Variants in GPRIN3 observed in about 807,000 individuals in gnomAD.
GPRIN3 encodes G protein-regulated inducer of neurite outgrowth 3.
Under a neutral mutation model 13.7 loss-of-function variants are expected in GPRIN3, and 12 were observed. The ratio of observed to expected loss-of-function variants is 0.87; its 90% CI spans 0.56 to 1.42. The LOEUF (loss-of-function observed/expected upper bound fraction) is 1.42. Ranked by LOEUF, GPRIN3 falls within the 40% of genes most tolerant of loss-of-function variation. GPRIN3 has a pLI of 0.00. For synonymous variants in GPRIN3, 377 were observed against 372.7 expected (o/e 1.01, Z -0.13); for missense variants, 1,009 against 958.7 (o/e 1.05, Z -0.69).
At chr4:89,305,942 A>T (rs553102043) in intron 1 of GPRIN3, among the ~76,000 whole-genome samples, 12 of 152,298 alleles carry the variant, frequency 7.9e-5, no homozygotes, top group African/African-American at 2.9e-4. Flanking sequence ...CTAGTTAGTG[A>T]TTAGGTGAAG....
intron 1 of GPRIN3, among the ~76,000 whole-genome samples, chr4:89,288,348 C>G (rs1367903776): frequency 6.6e-6 from 1 of 152,138 alleles, no homozygotes; most frequent in African/African-American, 2.4e-5. Context: ...TCTATGCTGT[C>G]TTGGTCACTC....
rs1722961114 is a variant in GPRIN3 at position 89,242,135 on chromosome 4, A to G, written c.*5645T>C. ...TCATCAATATCCTTTTCTAAAGTGTAAAATATGTGATTTTTATTCCTACTA... is the reference window on the plus strand; with the variant it reads ...TCATCAATATCCTTTTCTAAAGTGTGAAATATGTGATTTTTATTCCTACTA... On this transcript the variant is annotated 3_prime_UTR_variant, in exon 2 of 2. Coordinates refer to ENST00000609438, the MANE Select transcript of GPRIN3 (RefSeq NM_198281.3). The G allele has an allele frequency of 1.3e-5, 2 of 152,222 alleles. No homozygotes were observed. The highest frequency in any genetic ancestry group is 4.8e-5 in the African/African-American group (2 of 41,452). 9.4% of individuals were successfully genotyped at this position (152,222 alleles called of 1,614,324 possible).
intron 1 of GPRIN3, among the ~76,000 whole-genome samples, chr4:89,268,426 T>C (rs896162465): frequency 7.2e-5 from 11 of 152,180 alleles, no homozygotes; most frequent in Non-Finnish European, 1.3e-4. Context: ...GTTGGAGAGA[T>C]TGCAAAGATG....
chr4:89,249,583 G>A lies in GPRIN3; in HGVS notation c.528C>T (p.Gly176=), dbSNP rs182919972. 19 of 1,614,120 alleles carry A rather than the reference G, an allele frequency of 1.2e-5. No homozygotes were observed. The Admixed American group carries it at 1.8e-4, about 16-fold the overall frequency. The part of the protein sequence containing the change: ...QPEKPSCPVG[G]VLSSSKDQVS... ...CCTGATCTTTGCTGCTACTGAGGAC[G>A]CCTCCCACAGGACAACTTGGTTTCT... Residue 176 remains glycine, a synonymous_variant, in exon 2 of 2, where the codon GGC becomes GGT. Coordinates refer to ENST00000609438, the MANE Select transcript of GPRIN3 (RefSeq NM_198281.3).
rs950010387 is a variant in GPRIN3, at chr4:89,239,128, T to G, written c.*8652A>C. On this transcript the variant is annotated 3_prime_UTR_variant, in exon 2 of 2. Coordinates refer to ENST00000609438, the MANE Select transcript of GPRIN3 (RefSeq NM_198281.3). ...CTTTCTGAAATGATTTTATGGCCTT[T>G]GTAAACATTATAATGTAGACATTAT... is the stretch of plus-strand genomic sequence containing the variant. 6.6e-6 allele frequency: 1 copy of G among 152,180 alleles called. No homozygotes were observed. The highest frequency in any genetic ancestry group is 1.5e-5 in the Non-Finnish European group (1 of 68,000). 9.4% of individuals were successfully genotyped at this position (152,180 alleles called of 1,614,324 possible). A position where few individuals can be genotyped will look rare whatever the true frequency, so the allele number is the denominator to read the frequency against.
At chr4:89,266,588 C>T (rs113705484) in intron 1 of GPRIN3, among the ~76,000 whole-genome samples, 1 of 152,156 alleles carries the variant, frequency 6.6e-6, no homozygotes, top group Non-Finnish European at 1.5e-5. Context: ...GTTGCTATTG[C>T]ATTAAGGGTG....
rs561711480 is a variant in GPRIN3, at chr4:89,302,869, A to T, written c.-124+4746T>A. On this transcript the variant is annotated intron_variant, in intron 1 of 1. Coordinates refer to ENST00000609438, the MANE Select transcript of GPRIN3 (RefSeq NM_198281.3). ...AGGTCCAAGTCATTTTTATTTTTTTAAAAAAAGCAAAGTTCCATATTTGGT... is the reference window on the plus strand; with the variant it reads ...AGGTCCAAGTCATTTTTATTTTTTTTAAAAAAGCAAAGTTCCATATTTGGT... Among the ~76,000 whole-genome samples the T allele has an allele frequency of 2.6e-4, 40 of 152,194 alleles. No homozygotes were observed. The South Asian group carries it at 6.0e-3, about 23-fold the overall frequency.
chr4:89,274,410 T>C (rs1724039850), intron 1 of GPRIN3, among the ~76,000 whole-genome samples: 1 of 152,194 alleles, frequency 6.6e-6, no homozygotes, highest in African/African-American at 2.4e-5. Flanking sequence ...CAGGGTCTCT[T>C]TCCAGGGGGT....
rs1723278603 is a variant in GPRIN3 at position 89,249,980 on chromosome 4, G to T, written c.131C>A (p.Ala44Asp). The T allele has an allele frequency of 6.2e-7, 1 of 1,614,228 alleles. No homozygotes were observed. The highest frequency in any genetic ancestry group is 8.5e-7 in the Non-Finnish European group (1 of 1,180,020). The change falls in exon 2 of 2, where the codon GCC (alanine) becomes GAC (aspartate). Residue 44 changes from alanine (A) to aspartate (D), a missense_variant. Coordinates refer to ENST00000609438, the MANE Select transcript of GPRIN3 (RefSeq NM_198281.3). ...TGCAGGGGCACCTGAAAAGCCATTG[G>T]CATTCTTACACAGGAGAGCTGGTCG... ...RHRPALLCKN[A>D]NGFSGAPAEP...
At chr4:89,265,994 A>T (rs1001178321) in intron 1 of GPRIN3, among the ~76,000 whole-genome samples, 9 of 152,172 alleles carry the variant, frequency 5.9e-5, no homozygotes, top group Non-Finnish European at 1.0e-4. Flanking sequence ...AATTAACACA[A>T]AGCGCTACAT....
At chr4:89,250,755 T>G (rs921547386) in intron 1 of GPRIN3, 5 of 152,306 alleles carry the variant, frequency 3.3e-5, no homozygotes, top group South Asian at 2.1e-4. Context: ...GTTGGCAAAC[T>G]GTTCATGCAT....
At chr4:89,302,421 T>A (rs988007917) in intron 1 of GPRIN3, among the ~76,000 whole-genome samples, 1 of 152,226 alleles carries the variant, frequency 6.6e-6, no homozygotes. Flanking sequence ...ATCTGGGTAC[T>A]GGAATCCTTT....
chr4:89,244,781 C>T lies in GPRIN3; in HGVS notation c.*2999G>A, dbSNP rs1036109858. The T allele has an allele frequency of 1.2e-4, 19 of 152,160 alleles. No homozygotes were observed. The highest frequency in any genetic ancestry group is 9.8e-4 in the Admixed American group (15 of 15,280). The allele number at this position is 152,160 out of a possible 1,614,324, so 9.4% of individuals were successfully genotyped here. On this transcript the variant is annotated 3_prime_UTR_variant, in exon 2 of 2. Coordinates refer to ENST00000609438, the MANE Select transcript of GPRIN3 (RefSeq NM_198281.3). ...TGAATTGTCTTCCAGACATGGAGTT[C>T]TAACTCACCTTTTTACTACTGGTTT...
Position 89,249,052 on chromosome 4 carries a change from A to C in GPRIN3, c.1059T>G (p.Phe353Leu), listed in dbSNP as rs554076690. The part of the protein sequence containing the change: ...FLKESRAPEH[F>L]EQEQLRVICH... Reference sequence around the variant, plus strand: ...AAATGACACGCAGCTGCTCTTGTTCAAAATGCTCAGGAGCACGGCTTTCCT... The same window carrying C: ...AAATGACACGCAGCTGCTCTTGTTCCAAATGCTCAGGAGCACGGCTTTCCT... The change falls in exon 2 of 2, where the codon TTT becomes TTG. Residue 353 changes from phenylalanine (F) to leucine (L), a missense_variant. Phe to Leu is a conservative substitution (Grantham distance 22). Coordinates refer to ENST00000609438, the MANE Select transcript of GPRIN3 (RefSeq NM_198281.3). 1.6e-4 allele frequency: 262 copies of C among 1,614,210 alleles called. 2 individuals are homozygous for C. In the South Asian group the frequency reaches 2.6e-3, roughly 16 times the overall value.
intron 1 of GPRIN3, among the ~76,000 whole-genome samples, chr4:89,261,020 G>A (rs1258017434): frequency 4.0e-5 from 6 of 151,670 alleles, no homozygotes; most frequent in South Asian, 2.1e-4. Flanking sequence ...CACAACCCCC[G>A]CCCCCCAATG....
chr4:89,273,008 G>A (rs770189404), intron 1 of GPRIN3, among the ~76,000 whole-genome samples: 2 of 152,064 alleles, frequency 1.3e-5, no homozygotes, highest in Non-Finnish European at 2.9e-5. Context: ...AAGAAGGAAT[G>A]AACCACATTT....
At chr4:89,286,077 G>A (rs1199655113) in intron 1 of GPRIN3, among the ~76,000 whole-genome samples, 4 of 88,784 alleles carry the variant, frequency 4.5e-5, no homozygotes, top group Non-Finnish European at 1.0e-4. Context: ...ACATGTGTAC[G>A]TGTATGTGTG....
In GPRIN3 at chr4:89,260,713, C is replaced by T. The variant is rs1325716593; in HGVS notation, c.-123-10480G>A. ...ATTTCCTGTATAGCTATTCTATAGGCTAGAAAAAGTTGCCCCTATGTAAGT... is the reference window on the plus strand; with the variant it reads ...ATTTCCTGTATAGCTATTCTATAGGTTAGAAAAAGTTGCCCCTATGTAAGT... On this transcript the variant is annotated intron_variant, in intron 1 of 1. Coordinates refer to ENST00000609438, the MANE Select transcript of GPRIN3 (RefSeq NM_198281.3). Among the ~76,000 whole-genome samples the T allele has an allele frequency of 2.0e-5, 3 of 152,110 alleles. No homozygotes were observed. The East Asian group carries it at 5.8e-4, about 29-fold the overall frequency.
rs1430431275 is a variant in GPRIN3, at chr4:89,243,207, G to C, written c.*4573C>G. 1 of 152,094 alleles carries C rather than the reference G, an allele frequency of 6.6e-6. No homozygotes were observed. Among genetic ancestry groups the C allele is most frequent in the Non-Finnish European group, 1.5e-5 (1 of 68,010 alleles). 9.4% of individuals were successfully genotyped at this position (152,094 alleles called of 1,614,324 possible). On this transcript the variant is annotated 3_prime_UTR_variant, in exon 2 of 2. Transcript: ENST00000609438. ...GTTTTCTTTCCAAGAGTAGGATAAA[G>C]TTCATGGAAATCTGTTTCAGTATTT...
Sources: gnomAD v4.1 joint callset for allele counts (sites outside exome capture counted in the v4.1 genomes callset) on GRCh38, gnomAD v4.1.1 for gene constraint, MANE v1.5 for transcripts, NCBI Gene and HGNC (gene_info 2026-07-23, HGNC 2026-07-21) for gene names.